DIS3L2: variants seen among roughly 807,000 people sequenced by gnomAD.
DIS3L2 encodes DIS3-like exonuclease 2.
Under a neutral mutation model 97.5 loss-of-function variants are expected in DIS3L2, and 34 were observed. The observed-to-expected ratio is 0.35, with a 90% confidence interval of 0.27 to 0.46. The LOEUF is 0.46. Among genes scored for constraint, DIS3L2 ranks in the 20% least tolerant of loss-of-function variants. The probability of loss-of-function intolerance (pLI) is 1.00; values close to 1 mark genes in which losing one functional copy is unlikely to be tolerated. For synonymous variants in DIS3L2, 435 were observed against 445.2 expected (o/e 0.98, Z 0.29); for missense variants, 1,038 against 1,146.0 (o/e 0.91, Z 1.36).
chr2:232,290,490 C>T (rs1694571844), intron 13 of DIS3L2, among the ~76,000 whole-genome samples: 1 of 152,178 alleles, frequency 6.6e-6, no homozygotes, highest in African/African-American at 2.4e-5. Flanking sequence ...ATGGAGTCAC[C>T]TTCAGAAGAG....
rs576719339 is a variant in DIS3L2 at position 232,272,828 on chromosome 2, G to A, written c.1659+9388G>A. On this transcript the variant is annotated intron_variant, in intron 13 of 20. Coordinates refer to ENST00000325385, the MANE Select transcript of DIS3L2 (RefSeq NM_152383.5). Reference sequence around the variant, plus strand: ...CTCTGCTAGGTGCCCTTCCAGTGCAGGGTCTGCTGGTGAGGACCAGTGGCT... The same window carrying A: ...CTCTGCTAGGTGCCCTTCCAGTGCAAGGTCTGCTGGTGAGGACCAGTGGCT... Among the ~76,000 whole-genome samples, 18 of 152,312 alleles carry A rather than the reference G, an allele frequency of 1.2e-4. No individual in the cohort carries two copies. The South Asian group carries it at 3.7e-3, about 32-fold the overall frequency.
At chr2:232,028,680 A>G (rs950943473) in intron 4 of DIS3L2, among the ~76,000 whole-genome samples, 1 of 152,148 alleles carries the variant, frequency 6.6e-6, no homozygotes, top group African/African-American at 2.4e-5. Flanking sequence ...GAGAGATCCT[A>G]TTGCTGTTTG....
chr2:232,271,646 T>G (rs1694010487), intron 13 of DIS3L2, among the ~76,000 whole-genome samples: 1 of 152,212 alleles, frequency 6.6e-6, no homozygotes, highest in African/African-American at 2.4e-5. Context: ...TTTATTCATC[T>G]CATTTATAAA....
intron 5 of DIS3L2, among the ~76,000 whole-genome samples, chr2:232,075,489 C>A (rs776438263): frequency 6.6e-6 from 1 of 152,176 alleles, no homozygotes; most frequent in Non-Finnish European, 1.5e-5. Context: ...TCCTCAGGTT[C>A]TCTTTTCAGT....
chr2:232,116,562 A>G (rs1030295462), intron 6 of DIS3L2, among the ~76,000 whole-genome samples: 5 of 152,218 alleles, frequency 3.3e-5, no homozygotes, highest in African/African-American at 1.2e-4. Flanking sequence ...ATGCAACAAC[A>G]TGCCAAGGGA....
chr2:232,139,714 G>A (rs1348879565), intron 8 of DIS3L2, among the ~76,000 whole-genome samples: 3 of 152,150 alleles, frequency 2.0e-5, no homozygotes, highest in African/African-American at 7.2e-5. Context: ...TTTCTTATAG[G>A]ACAGAGGCCT....
chr2:232,007,865 A>G (rs1312411390), intron 1 of DIS3L2, among the ~76,000 whole-genome samples: 2 of 152,048 alleles, frequency 1.3e-5, no homozygotes, highest in Non-Finnish European at 2.9e-5. Context: ...TGAATTCTCT[A>G]TTTTCTGGAA....
chr2:232,123,408 T>C (rs1264278256), intron 6 of DIS3L2, among the ~76,000 whole-genome samples: 1 of 152,146 alleles, frequency 6.6e-6, no homozygotes, highest in Non-Finnish European at 1.5e-5. Context: ...CTTAATGAGA[T>C]AGTACCTTAT....
intron 14 of DIS3L2, among the ~76,000 whole-genome samples, chr2:232,322,669 A>G (rs1169777811): frequency 6.6e-6 from 1 of 152,204 alleles, no homozygotes; most frequent in Admixed American, 6.5e-5. Context: ...TTGCAGCAGC[A>G]AAGCTGCTCA....
chr2:232,252,559 A>G (rs950148983), intron 12 of DIS3L2, among the ~76,000 whole-genome samples: 1 of 152,234 alleles, frequency 6.6e-6, no homozygotes, highest in Non-Finnish European at 1.5e-5. Context: ...TTTTTCAGAT[A>G]ATTGTGGCTA....
chr2:232,218,168 C>T (rs1345205886), intron 10 of DIS3L2, among the ~76,000 whole-genome samples: 1 of 152,118 alleles, frequency 6.6e-6, no homozygotes, highest in Non-Finnish European at 1.5e-5. Flanking sequence ...ATTCAGTGGC[C>T]TAAAGCTCTC....
intron 5 of DIS3L2, among the ~76,000 whole-genome samples, chr2:232,039,304 C>T (rs1695043580): frequency 6.6e-6 from 1 of 152,152 alleles, no homozygotes; most frequent in Non-Finnish European, 1.5e-5. Context: ...ATAAACATCT[C>T]CAAACATACT....
chr2:232,115,794 A>C (rs943717734), intron 6 of DIS3L2, among the ~76,000 whole-genome samples: 2 of 152,224 alleles, frequency 1.3e-5, no homozygotes, highest in Non-Finnish European at 2.9e-5. Context: ...CCCAGCCTAC[A>C]AAACTGTGAG....
intron 14 of DIS3L2, 28 bp from the exon 15 acceptor site, chr2:232,329,785 T>TGCCGGGGGGGCCC: frequency 1.5e-4 from 145 of 967,098 alleles, no homozygotes; most frequent in Middle Eastern, 3.5e-4. Flanking sequence ...ACCCCAGCGG[T>TGCCGGGGGGGCCC]CCCTCCCATC....
chr2:232,106,514 A>T (rs1323862740), intron 6 of DIS3L2, among the ~76,000 whole-genome samples: 1 of 152,216 alleles, frequency 6.6e-6, no homozygotes, highest in East Asian at 1.9e-4. Context: ...GAAGAGTTGC[A>T]TTACATAATG....
intron 6 of DIS3L2, among the ~76,000 whole-genome samples, chr2:232,100,612 G>A (rs1697167490): frequency 6.6e-6 from 1 of 151,526 alleles, no homozygotes; most frequent in Non-Finnish European, 1.5e-5. Flanking sequence ...TTTTCTTTGT[G>A]ATTTCTTTTG....
downstream of DIS3L2, among the ~76,000 whole-genome samples, chr2:232,340,115 CCCT>C (rs956622063): frequency 6.6e-6 from 1 of 152,182 alleles, no homozygotes; most frequent in African/African-American, 2.4e-5. Flanking sequence ...TGCTGTCACT[CCCT>C]CCTCCAAGTC....
chr2:232,027,852 C>T (rs765463920), intron 4 of DIS3L2, among the ~76,000 whole-genome samples: 17 of 152,232 alleles, frequency 1.1e-4, no homozygotes, highest in Admixed American at 3.3e-4. Flanking sequence ...AATCATGTGA[C>T]TTTCAAGCAA....
intron 1 of DIS3L2, among the ~76,000 whole-genome samples, chr2:231,990,545 A>G (rs1191495073): frequency 1.3e-5 from 2 of 152,246 alleles, no homozygotes; most frequent in South Asian, 2.1e-4. Flanking sequence ...TTATAATGTT[A>G]TACTGTACAG....
Sources: allele counts gnomAD v4.1 joint callset (sites outside exome capture counted in the v4.1 genomes callset), GRCh38; gene constraint gnomAD v4.1.1; transcripts MANE v1.5; gene names NCBI Gene and HGNC (gene_info 2026-07-23, HGNC 2026-07-21).